The following GLI2 variants were observed in gnomAD, a reference collection of about 807,000 sequenced individuals.
The protein encoded by GLI2 is GLI family zinc finger 2, also known as transcription activator GLI2.
GLI2 carries 22 observed loss-of-function variants against 78.9 expected under a neutral mutation model. That is an observed-to-expected ratio of 0.28 (90% confidence interval 0.20 to 0.40). The LOEUF (loss-of-function observed/expected upper bound fraction) is 0.40, where lower values mean the gene tolerates loss of function less well. GLI2 is among the 10% of genes least tolerant of loss of function. The probability of loss-of-function intolerance (pLI) is 1.00; values close to 1 mark genes in which losing one functional copy is unlikely to be tolerated. For missense variants in GLI2, 2,097 were observed against 2,213.2 expected, an observed-to-expected ratio of 0.95 and a Z score of 1.05; for synonymous variants, 974 against 963.7, an observed-to-expected ratio of 1.01 and a Z score of -0.20.
Position 120,986,447 on chromosome 2 carries a change from T to G in GLI2, c.2075T>G (p.Leu692Arg), listed in dbSNP as rs781438228. 6.2e-7 allele frequency: 1 copy of G among 1,613,956 alleles called. No individual in the cohort carries two copies. The highest frequency in any genetic ancestry group is 2.2e-5 in the East Asian group (1 of 44,866). ...DTPPGADTSA[L>R]AAPSAGGLQL... ...CCCCCAGGGGCCGACACCTCAGCCC[T>G]GGCTGCCCCCTCCGCTGGTGGCCTC... is the stretch of plus-strand genomic sequence containing the variant. The change falls in exon 13 of 14, where the codon CTG (leucine) becomes CGG (arginine). Residue 692 changes from leucine to arginine, a missense_variant. Leu to Arg is a moderately radical substitution (Grantham distance 102). This residue lies in a region of GLI2 where 1,290 missense variants were observed against 1,261.7 expected (regional missense o/e 1.02). Transcript: ENST00000361492.
intron 2 of GLI2, among the ~76,000 whole-genome samples, chr2:120,860,951 C>A (rs1687873656): frequency 6.6e-6 from 1 of 152,148 alleles, no homozygotes; most frequent in Non-Finnish European, 1.5e-5. Context: ...CCGTTATGGC[C>A]AGCACACAGG....
rs70954513 is a variant in GLI2, at chr2:120,896,696, TACACACACACACACACAC to T, written c.149-30641_149-30624del. 1.4e-3 allele frequency among the ~76,000 whole-genome samples: 183 copies of T among 128,758 alleles called. 1 individual carries two copies. Among genetic ancestry groups the T allele is most frequent in the Middle Eastern group, 7.7e-3 (2 of 260 alleles). The allele number at this position is 128,758 out of a possible 152,430, so 84.5% of individuals were successfully genotyped here. ...CCCCCCACACACTCACACACACCCA[TACACACACACACACACAC>T]ACACACACACACACACACACACAGC... is the stretch of plus-strand genomic sequence containing the variant. On this transcript the variant is annotated intron_variant, in intron 2 of 13. Coordinates refer to ENST00000361492, the MANE Select transcript of GLI2 (RefSeq NM_001374353.1).
intron 2 of GLI2, among the ~76,000 whole-genome samples, chr2:120,798,058 C>T (rs1008714823): frequency 6.6e-6 from 1 of 152,136 alleles, no homozygotes; most frequent in Admixed American, 6.5e-5. Flanking sequence ...GAAAGTTTGG[C>T]GGGAAGGCGA....
chr2:120,871,967 C>T lies in GLI2; in HGVS notation c.149-55394C>T, dbSNP rs150417566. Among the ~76,000 whole-genome samples the T allele has an allele frequency of 2.0e-5, 3 of 152,260 alleles. No individual in the cohort carries two copies. The East Asian group carries it at 5.8e-4, about 29-fold the overall frequency. On this transcript the variant is annotated intron_variant, in intron 2 of 13. Coordinates refer to ENST00000361492, the MANE Select transcript of GLI2 (RefSeq NM_001374353.1). ...CCTTCCCAGGGTGAGCATGGAGGGA[C>T]CCCCGGGGTCTGGGCATGACAACCA...
At chr2:120,882,797 TC>T (rs1022442997) in intron 2 of GLI2, among the ~76,000 whole-genome samples, 1 of 152,214 alleles carries the variant, frequency 6.6e-6, no homozygotes, top group African/African-American at 2.4e-5. Context: ...CTTTTTTTTT[TC>T]TTCTCATTTT....
chr2:120,743,015 A>G (rs1299014992), intron 1 of GLI2, among the ~76,000 whole-genome samples: 2 of 152,228 alleles, frequency 1.3e-5, no homozygotes, highest in Non-Finnish European at 2.9e-5. Context: ...TGACCAGAAA[A>G]TAGCTCTTAA....
At chr2:120,968,221 G>A (rs1681952689) in intron 5 of GLI2, among the ~76,000 whole-genome samples, 3 of 152,200 alleles carry the variant, frequency 2.0e-5, no homozygotes, top group African/African-American at 7.2e-5. Flanking sequence ...GCAACAAGAA[G>A]CTGTGTGTTA....
chr2:120,799,661 G>A (rs756407246), intron 2 of GLI2, among the ~76,000 whole-genome samples: 5 of 152,228 alleles, frequency 3.3e-5, no homozygotes, highest in Non-Finnish European at 5.9e-5. Context: ...CCTAATCTGT[G>A]TCGAGAGTGG....
chr2:120,881,607 C>CAGGT, intron 2 of GLI2, among the ~76,000 whole-genome samples: 1 of 29,816 alleles, frequency 3.4e-5, no homozygotes, highest in Non-Finnish European at 6.0e-5. Context: ...GCTGGGGTGG[C>CAGGT]GGGGGGGAGG....
At chr2:120,932,373 C>T (rs1419004550) in intron 3 of GLI2, among the ~76,000 whole-genome samples, 1 of 152,176 alleles carries the variant, frequency 6.6e-6, no homozygotes, top group Non-Finnish European at 1.5e-5. Context: ...GACCCCCTCC[C>T]CGTTCCCTCT....
intron 2 of GLI2, among the ~76,000 whole-genome samples, chr2:120,891,860 C>G (rs1269368421): frequency 6.6e-6 from 1 of 152,184 alleles, no homozygotes; most frequent in Non-Finnish European, 1.5e-5. Flanking sequence ...AGTCCAGATA[C>G]CTGGGAGATT....
At chr2:120,753,804 A>G (rs555015083) in intron 1 of GLI2, among the ~76,000 whole-genome samples, 1 of 151,428 alleles carries the variant, frequency 6.6e-6, no homozygotes, top group African/African-American at 2.4e-5. Flanking sequence ...AGGCCGAGGC[A>G]GGAGAATGGC....
chr2:120,884,624 C>T (rs775714433), intron 2 of GLI2, among the ~76,000 whole-genome samples: 37 of 152,296 alleles, frequency 2.4e-4, no homozygotes, highest in Admixed American at 5.9e-4. Flanking sequence ...ACTTCCCCCA[C>T]GCTGGAGATA....
At chr2:120,833,574 A>G (rs1558823023) in intron 2 of GLI2, among the ~76,000 whole-genome samples, 1 of 152,064 alleles carries the variant, frequency 6.6e-6, no homozygotes, top group Non-Finnish European at 1.5e-5. Flanking sequence ...CTCATCCCCC[A>G]ACCTTGGATG....
At chr2:120,916,612 G>A (rs1448190379) in intron 2 of GLI2, among the ~76,000 whole-genome samples, 1 of 152,258 alleles carries the variant, frequency 6.6e-6, no homozygotes, top group Non-Finnish European at 1.5e-5. Flanking sequence ...CTCCCTGTGG[G>A]CAGGAATTAT....
At chr2:120,975,176 T>A in intron 9 of GLI2, 67 bp downstream of exon 9, 9 of 1,505,230 alleles carry the variant, frequency 6.0e-6, no homozygotes, top group Non-Finnish European at 8.3e-6. Flanking sequence ...ATGCTGAGCC[T>A]TCCAGGGCCT....
chr2:120,752,598 A>G (rs1338874158), intron 1 of GLI2, among the ~76,000 whole-genome samples: 3 of 152,054 alleles, frequency 2.0e-5, no homozygotes, highest in Non-Finnish European at 4.4e-5. Context: ...ATACTTATTT[A>G]TTGAATAGTA....
intron 5 of GLI2, among the ~76,000 whole-genome samples, chr2:120,962,640 T>C (rs1681627401): frequency 1.3e-5 from 2 of 152,218 alleles, no homozygotes; most frequent in Admixed American, 6.5e-5. Flanking sequence ...ATACTCCATG[T>C]TCCCGGTCAT....
intron 2 of GLI2, among the ~76,000 whole-genome samples, chr2:120,922,233 G>A (rs1214092956): frequency 6.6e-6 from 1 of 152,216 alleles, no homozygotes; most frequent in Non-Finnish European, 1.5e-5. Context: ...CTAGATGACA[G>A]CTATTCATAC....
Sources: gnomAD v4.1 joint callset for allele counts (sites outside exome capture counted in the v4.1 genomes callset) on GRCh38, gnomAD v4.1.1 for gene constraint, gnomAD v4.1.1 regional missense constraint, MANE v1.5 for transcripts, NCBI Gene and HGNC (gene_info 2026-07-23, HGNC 2026-07-21) for gene names.